Variants in TNPO1 observed in about 807,000 individuals in gnomAD.
TNPO1 encodes transportin-1.
Under a neutral mutation model 119.5 loss-of-function variants are expected in TNPO1, and 8 were observed. That is an observed-to-expected ratio of 0.07 (90% CI 0.04 to 0.12). The LOEUF is 0.12. Ranked by LOEUF, TNPO1 falls within the 10% of genes least tolerant of loss-of-function variation. The pLI, the probability that TNPO1 is intolerant of heterozygous loss-of-function variation, is 1.00. For synonymous variants in TNPO1, 362 were observed against 363.0 expected (o/e 1.00, Z 0.03); for missense variants, 576 against 1,089.8 (o/e 0.53, Z 6.64).
At position 72,888,184 on chromosome 5, in the gene TNPO1, T is replaced by A; in HGVS notation, c.1410T>A (p.Leu470=). The change falls in exon 13 of 25, where the codon CTT becomes CTA. Residue 470 remains leucine, a synonymous_variant. Coordinates refer to ENST00000337273, the MANE Select transcript of TNPO1 (RefSeq NM_002270.4). ...ALVRSITCWT[L]SRYAHWVVSQ... Reference sequence around the variant, plus strand: ...TGCGTTCCATAACATGCTGGACTCTTAGCCGCTATGCACACTGGGTGGTCA... The same window carrying A: ...TGCGTTCCATAACATGCTGGACTCTAAGCCGCTATGCACACTGGGTGGTCA... 1 of 1,614,172 alleles carries A rather than the reference T, an allele frequency of 6.2e-7. No homozygotes were observed. Among genetic ancestry groups the A allele is most frequent in the South Asian group, 1.1e-5 (1 of 91,082 alleles).
At chr5:72,868,996 C>T (rs1016792682) in intron 6 of TNPO1, among the ~76,000 whole-genome samples, 6 of 151,964 alleles carry the variant, frequency 3.9e-5, no homozygotes, top group African/African-American at 1.5e-4. Context: ...GCAACAAGAG[C>T]AAAACTCCAT....
At chr5:72,901,833 G>A (rs1467890671) in intron 22 of TNPO1, among the ~76,000 whole-genome samples, 2 of 152,090 alleles carry the variant, frequency 1.3e-5, no homozygotes, top group East Asian at 3.9e-4. Context: ...ATTGAAAAAC[G>A]TAGTTGAGGC....
chr5:72,835,310 A>G (rs570079145), intron 1 of TNPO1, among the ~76,000 whole-genome samples: 1 of 152,284 alleles, frequency 6.6e-6, no homozygotes, highest in Middle Eastern at 3.4e-3. Context: ...TCTACTTTAG[A>G]ATATCACCTG....
intron 8 of TNPO1, 77 bp from the exon 9 acceptor site, chr5:72,877,147 AGCTT>A (rs757769113): frequency 2.4e-4 from 172 of 722,984 alleles, no homozygotes; most frequent in Middle Eastern, 4.4e-4. Flanking sequence ...TAAGGTCAAA[AGCTT>A]GCTTGATAAT....
chr5:72,888,291 A>G lies in TNPO1; in HGVS notation c.1517A>G (p.Glu506Gly). The G allele has an allele frequency of 6.2e-7, 1 of 1,614,060 alleles. No individual in the cohort carries two copies. Among genetic ancestry groups the G allele is most frequent in the Non-Finnish European group, 8.5e-7 (1 of 1,179,920 alleles). ...CTGGACAGCAACAAGAGAGTACAAG[A>G]AGCTGCCTGCAGGTGGGACAGATTC... ...RILDSNKRVQ[E>G]AACSAFATLE... is the part of the protein sequence containing the mutation. Residue 506 changes from glutamate to glycine, a missense_variant, in exon 13 of 25, where the codon GAA (glutamate) becomes GGA (glycine). Transcript: ENST00000337273.
rs1200333058 is a variant in TNPO1, at chr5:72,901,026, C to T, written c.2467C>T (p.Arg823Cys). 3.1e-6 allele frequency: 5 copies of T among 1,611,700 alleles called. No individual in the cohort carries two copies. The highest frequency in any genetic ancestry group is 1.1e-5 in the South Asian group (1 of 90,802). Reference protein sequence around the residue: ...RDNEEKDSAFRGICTMISVNP... With the variant: ...RDNEEKDSAFCGICTMISVNP... ...CAATGAGGAAAAGGATTCAGCATTCCGTGGAATTTGTACCATGATCAGTGT... is the reference window on the plus strand; with the variant it reads ...CAATGAGGAAAAGGATTCAGCATTCTGTGGAATTTGTACCATGATCAGTGT... The change falls in exon 22 of 25, where the codon CGT becomes TGT. Residue 823 changes from arginine to cysteine, a missense_variant. Physicochemically the swap from Arg to Cys is radical, Grantham distance 180. Around this residue, in one of 6 missense-constraint regions of TNPO1, gnomAD observed 162 missense variants for 294.1 expected, o/e 0.55. Coordinates refer to ENST00000337273, the MANE Select transcript of TNPO1 (RefSeq NM_002270.4).
chr5:72,906,722 C>T (rs980538466), intron 24 of TNPO1, among the ~76,000 whole-genome samples: 7 of 152,112 alleles, frequency 4.6e-5, no homozygotes, highest in East Asian at 1.9e-4. Context: ...CTCTGAGCTT[C>T]GGTTTTGTCA....
intron 5 of TNPO1, 121 bp downstream of exon 5, chr5:72,862,035 C>G (rs1418034297): frequency 6.4e-6 from 4 of 624,956 alleles, no homozygotes; most frequent in Non-Finnish European, 1.1e-5. Context: ...ACTTAGAAAC[C>G]TAAAGTTACC....
chr5:72,847,753 G>T (rs1241339757), intron 1 of TNPO1, among the ~76,000 whole-genome samples: 1 of 152,104 alleles, frequency 6.6e-6, no homozygotes, highest in Non-Finnish European at 1.5e-5. Flanking sequence ...GCATATAATG[G>T]TTTTCGAGGT....
intron 6 of TNPO1, among the ~76,000 whole-genome samples, chr5:72,868,461 A>ACC (rs1747119805): frequency 2.1e-5 from 3 of 140,880 alleles, no homozygotes; most frequent in Non-Finnish European, 4.7e-5. Context: ...AAAAAAAAAC[A>ACC]CAAAATAATA....
At chr5:72,822,590 CTTT>C (rs766069525) in intron 1 of TNPO1, among the ~76,000 whole-genome samples, 13 of 132,922 alleles carry the variant, frequency 9.8e-5, no homozygotes, top group Non-Finnish European at 1.6e-5. Context: ...AAGTTCTACA[CTTT>C]TTTTTTTTTT....
At chr5:72,892,041 GCTTTA>G (rs1250419968) in intron 15 of TNPO1, 145 bp downstream of exon 15, 34 of 593,132 alleles carry the variant, frequency 5.7e-5, no homozygotes, top group Non-Finnish European at 8.7e-5. Context: ...TCTCTAACCT[GCTTTA>G]CTTAATTGAT....
chr5:72,854,390 A>G (rs1745821679), intron 3 of TNPO1, among the ~76,000 whole-genome samples: 1 of 152,220 alleles, frequency 6.6e-6, no homozygotes, highest in Non-Finnish European at 1.5e-5. Context: ...TCACTCTTGA[A>G]GATTTCAGTG....
intron 1 of TNPO1, among the ~76,000 whole-genome samples, chr5:72,820,611 G>A (rs1405273968): frequency 6.6e-6 from 1 of 152,130 alleles, no homozygotes; most frequent in Non-Finnish European, 1.5e-5. Flanking sequence ...GTGTAAATAG[G>A]TAAGTACTTT....
chr5:72,877,195 AACTG>A (rs748866264), intron 8 of TNPO1, 29 bp from the exon 9 acceptor site: 20 of 1,266,496 alleles, frequency 1.6e-5, no homozygotes, highest in Non-Finnish European at 2.3e-5. Context: ...GTGATTTTTA[AACTG>A]ACTAATATTA....
chr5:72,849,049 A>G (rs1272245340), intron 2 of TNPO1, among the ~76,000 whole-genome samples: 1 of 152,040 alleles, frequency 6.6e-6, no homozygotes, highest in East Asian at 1.9e-4. Context: ...TCCTTGCCCT[A>G]AAAAGGCTGG....
intron 11 of TNPO1, among the ~76,000 whole-genome samples, chr5:72,883,895 C>G (rs1052419798): frequency 5.9e-5 from 9 of 152,004 alleles, no homozygotes; most frequent in African/African-American, 2.2e-4. Context: ...CAGGTGCTCA[C>G]CAATACACCT....
chr5:72,851,678 G>A (rs1471926884), intron 3 of TNPO1, among the ~76,000 whole-genome samples: 2 of 152,158 alleles, frequency 1.3e-5, no homozygotes, highest in Non-Finnish European at 2.9e-5. Flanking sequence ...ATTTTTAGTA[G>A]AGACAGAGTT....
intron 5 of TNPO1, among the ~76,000 whole-genome samples, chr5:72,864,832 C>T (rs1375678109): frequency 6.6e-6 from 1 of 152,032 alleles, no homozygotes; most frequent in Non-Finnish European, 1.5e-5. Context: ...TGGTCTTGAA[C>T]TCCTGACCTC....
Sources: allele counts gnomAD v4.1 joint callset (sites outside exome capture counted in the v4.1 genomes callset), GRCh38; gene constraint gnomAD v4.1.1; regional missense constraint gnomAD v4.1.1; transcripts MANE v1.5; gene names NCBI Gene and HGNC (gene_info 2026-07-23, HGNC 2026-07-21).